GSE1: variants seen among roughly 807,000 people sequenced by gnomAD.
GSE1 encodes the protein Gse1 coiled-coil protein.
Under a neutral mutation model 112.6 loss-of-function variants are expected in GSE1, and 32 were observed. That is an observed-to-expected ratio of 0.28 (90% CI 0.21 to 0.38). GSE1 has a LOEUF of 0.38. Ranked by LOEUF, GSE1 falls within the 10% of genes least tolerant of loss-of-function variation. GSE1 has a pLI of 1.00. For synonymous variants in GSE1, 1,115 were observed against 735.6 expected, an observed-to-expected ratio of 1.52 and a Z score of -8.35; for missense variants, 2,348 against 1,699.2, an observed-to-expected ratio of 1.38 and a Z score of -6.71.
intron 1 of GSE1, among the ~76,000 whole-genome samples, chr16:85,221,189 T>G (rs548853490): frequency 3.1e-3 from 469 of 152,092 alleles, no homozygotes; most frequent in Non-Finnish European, 4.6e-3. Context: ...GGTCGGCATC[T>G]GCAGCTGTCC....
At chr16:85,366,943 C>G (rs1457224927) in intron 2 of GSE1, among the ~76,000 whole-genome samples, 2 of 152,200 alleles carry the variant, frequency 1.3e-5, no homozygotes, top group African/African-American at 2.4e-5. Context: ...TGTTCTGGAG[C>G]TTAGGGTGGG....
chr16:85,418,313 C>G (rs2048750049), intron 2 of GSE1, among the ~76,000 whole-genome samples: 1 of 152,254 alleles, frequency 6.6e-6, no homozygotes. Flanking sequence ...GGTCCAACCT[C>G]CAAGGCATGG....
At chr16:85,336,886 A>C (rs2046499615) in intron 1 of GSE1, among the ~76,000 whole-genome samples, 1 of 152,244 alleles carries the variant, frequency 6.6e-6, no homozygotes, top group Non-Finnish European at 1.5e-5. Flanking sequence ...ACACATGCTC[A>C]CACAGGCACA....
At chr16:85,544,739 T>C (rs1384249536) in intron 2 of GSE1, among the ~76,000 whole-genome samples, 2 of 152,226 alleles carry the variant, frequency 1.3e-5, no homozygotes, top group Non-Finnish European at 2.9e-5. Flanking sequence ...AGTGACTTCT[T>C]GTCCAGCAGA....
intron 2 of GSE1, chr16:85,490,944 A>T (rs28594617): frequency 0.11 from 17,387 of 152,106 alleles, 1,556 homozygotes; most frequent in East Asian, 0.48. Context: ...AGTCTGCTGG[A>T]TGGGGGCATA....
At chr16:85,191,452 C>T (rs78039197) in intron 1 of GSE1, among the ~76,000 whole-genome samples, 5 of 152,272 alleles carry the variant, frequency 3.3e-5, no homozygotes, top group Admixed American at 2.0e-4. Flanking sequence ...GCCACATTAG[C>T]TTTCATTTTT....
intron 2 of GSE1, among the ~76,000 whole-genome samples, chr16:85,484,884 G>A (rs1438599636): frequency 2.0e-5 from 3 of 152,200 alleles, no homozygotes; most frequent in Non-Finnish European, 2.9e-5. Flanking sequence ...CCACTGTGAT[G>A]GCCATGTGGG....
intron 2 of GSE1, among the ~76,000 whole-genome samples, chr16:85,644,432 G>A (rs552568107): frequency 2.0e-5 from 3 of 152,246 alleles, no homozygotes; most frequent in East Asian, 1.9e-4. Context: ...GCTGAGGGAC[G>A]GACCAGTAAG....
intron 1 of GSE1, among the ~76,000 whole-genome samples, chr16:85,231,811 G>T (rs1459396748): frequency 1.3e-5 from 2 of 152,172 alleles, no homozygotes; most frequent in Non-Finnish European, 1.5e-5. Flanking sequence ...AATTACTGTT[G>T]TCTCAGCCTA....
Position 85,573,159 on chromosome 16 carries a change from C to T in GSE1, c.37+16796C>T, listed in dbSNP as rs566333472. Among the ~76,000 whole-genome samples the T allele has an allele frequency of 1.5e-3, 234 of 152,290 alleles. 1 individual carries two copies. The highest frequency in any genetic ancestry group is 5.0e-3 in the African/African-American group (208 of 41,562). On this transcript the variant is annotated intron_variant, in intron 1 of 2. Transcript: ENST00000635906. The stretch of plus-strand genomic sequence containing the variant: ...GATTACAGGCTTGAGCCACTGCGCC[C>T]GGCCCATCCCTTTCTTTTTTTAAAG...
At chr16:85,211,350 C>G (rs1224961447) in intron 1 of GSE1, among the ~76,000 whole-genome samples, 1 of 150,184 alleles carries the variant, frequency 6.7e-6, no homozygotes, top group Admixed American at 6.7e-5. Context: ...TTGCTAAGCA[C>G]TTTATTATTG....
chr16:85,618,642 C>A (rs1484924637), intron 1 of GSE1, among the ~76,000 whole-genome samples: 1 of 152,256 alleles, frequency 6.6e-6, no homozygotes, highest in Non-Finnish European at 1.5e-5. Flanking sequence ...TCTGCAAAGC[C>A]TTGCGGCTAC....
In GSE1 at chr16:85,675,705, G is replaced by C. The variant is rs960496208; in HGVS notation, c.*3166G>C. ...CACCAGATCCTACCCCTTTCCCTGA[G>C]CCACATGTTTCACACAAGTGTAGAA... On this transcript the variant is annotated 3_prime_UTR_variant, in exon 16 of 16. Coordinates refer to ENST00000253458, the MANE Select transcript of GSE1 (RefSeq NM_014615.5). 1.3e-5 allele frequency: 2 copies of C among 152,174 alleles called. No individual in the cohort carries two copies. The highest frequency in any genetic ancestry group is 4.8e-5 in the African/African-American group (2 of 41,432). The allele number at this position is 152,174 out of a possible 1,614,324, so 9.4% of individuals were successfully genotyped here.
intron 1 of GSE1, chr16:85,595,757 C>T (rs965988046): frequency 1.3e-5 from 2 of 151,250 alleles, no homozygotes; most frequent in African/African-American, 4.9e-5. Flanking sequence ...GCCATTCACT[C>T]ATCCACCCAA....
At chr16:85,199,214 C>G (rs1454712630) in intron 1 of GSE1, among the ~76,000 whole-genome samples, 2 of 152,184 alleles carry the variant, frequency 1.3e-5, no homozygotes, top group African/African-American at 4.8e-5. Flanking sequence ...GCCTCGGCTT[C>G]TCAGAGTGCT....
intron 2 of GSE1, among the ~76,000 whole-genome samples, chr16:85,464,919 G>A (rs535141752): frequency 3.3e-5 from 5 of 152,332 alleles, no homozygotes; most frequent in East Asian, 3.9e-4. Context: ...CTGTGGTCAC[G>A]CCTCAGTCCT....
At chr16:85,668,505 A>T (rs2053069819) in intron 14 of GSE1, 81 bp downstream of exon 14, 1 of 933,164 alleles carries the variant, frequency 1.1e-6, no homozygotes, top group South Asian at 1.6e-5. Context: ...GTTCATGCAG[A>T]CCTCTGCCAG....
At chr16:85,341,634 G>A (rs2046626425) in intron 1 of GSE1, among the ~76,000 whole-genome samples, 1 of 152,056 alleles carries the variant, frequency 6.6e-6, no homozygotes, top group Non-Finnish European at 1.5e-5. Context: ...TCCAGCCTGG[G>A]TGACTGAGTG....
At chr16:85,274,533 G>T (rs150066417) in intron 1 of GSE1, among the ~76,000 whole-genome samples, 219 of 152,352 alleles carry the variant, frequency 1.4e-3, no homozygotes, top group African/African-American at 5.1e-3. Context: ...CTACCTGTCA[G>T]GTTTAGGAAT....
Sources: allele counts gnomAD v4.1 joint callset (sites outside exome capture counted in the v4.1 genomes callset), GRCh38; gene constraint gnomAD v4.1.1; transcripts MANE v1.5; gene names NCBI Gene and HGNC (gene_info 2026-07-23, HGNC 2026-07-21).